The following FBXW8 variants were observed in gnomAD, a reference collection of about 807,000 sequenced individuals.
The protein encoded by FBXW8 is F-box/WD repeat-containing protein 8.
In FBXW8, 57 loss-of-function variants were observed where a neutral mutation model predicts 65.3. The ratio of observed to expected loss-of-function variants is 0.87; its 90% confidence interval spans 0.71 to 1.09. The LOEUF (loss-of-function observed/expected upper bound fraction) is 1.09, where lower values mean the gene tolerates loss of function less well. Among genes scored for constraint, FBXW8 ranks in the 50% least tolerant of loss-of-function variants. FBXW8 has a pLI of 0.00. For missense variants in FBXW8, 777 were observed against 814.8 expected, an observed-to-expected ratio of 0.95 and a Z score of 0.57; for synonymous variants, 308 against 330.2, an observed-to-expected ratio of 0.93 and a Z score of 0.73.
intron 5 of FBXW8, among the ~76,000 whole-genome samples, chr12:116,981,976 CTT>C (rs1344368184): frequency 1.3e-5 from 2 of 152,024 alleles, no homozygotes; most frequent in Non-Finnish European, 2.9e-5. Flanking sequence ...GTGATAAAGA[CTT>C]ATGTTAAAAT....
chr12:117,010,482 C>G (rs769415782), intron 8 of FBXW8, 32 bp downstream of exon 8: 2 of 1,613,938 alleles, frequency 1.2e-6, no homozygotes, highest in East Asian at 4.5e-5. Flanking sequence ...TGCCTTGCAG[C>G]CCCATGGCTT....
At chr12:117,011,126 C>CCTTTT (rs1953797273) in intron 8 of FBXW8, among the ~76,000 whole-genome samples, 1 of 100,344 alleles carries the variant, frequency 1.0e-5, no homozygotes, top group Admixed American at 8.3e-5. Flanking sequence ...TTTTTCTTTT[C>CCTTTT]CTTTTTTTTT....
intron 7 of FBXW8, among the ~76,000 whole-genome samples, chr12:116,994,201 T>C (rs1434913237): frequency 6.6e-6 from 1 of 152,170 alleles, no homozygotes; most frequent in Non-Finnish European, 1.5e-5. Context: ...TAGATACCAG[T>C]ACTGGTATAA....
At chr12:117,007,263 A>G (rs1953698356) in intron 7 of FBXW8, among the ~76,000 whole-genome samples, 1 of 139,272 alleles carries the variant, frequency 7.2e-6, no homozygotes, top group Non-Finnish European at 1.5e-5. Flanking sequence ...ATCTCTAAGA[A>G]AAAAAAAAAC....
At chr12:116,993,172 C>T (rs1392552905) in intron 7 of FBXW8, among the ~76,000 whole-genome samples, 20 of 127,330 alleles carry the variant, frequency 1.6e-4, no homozygotes, top group Non-Finnish European at 2.2e-4. Flanking sequence ...GGTGTGATCT[C>T]GGCTCACTGC....
At chr12:116,973,196 G>A (rs1481912534) in intron 5 of FBXW8, among the ~76,000 whole-genome samples, 8 of 152,100 alleles carry the variant, frequency 5.3e-5, no homozygotes, top group African/African-American at 1.4e-4. Context: ...TAAAAAGGGA[G>A]GAGAGAAAAG....
chr12:116,987,548 G>A (rs1490271189), intron 6 of FBXW8, among the ~76,000 whole-genome samples: 1 of 152,166 alleles, frequency 6.6e-6, no homozygotes, highest in Non-Finnish European at 1.5e-5. Flanking sequence ...TTACCCTCTG[G>A]TGGCCAAATG....
At chr12:117,007,263 A>T (rs1953698356) in intron 7 of FBXW8, among the ~76,000 whole-genome samples, 1 of 139,272 alleles carries the variant, frequency 7.2e-6, no homozygotes, top group Non-Finnish European at 1.5e-5. Context: ...ATCTCTAAGA[A>T]AAAAAAAAAC....
intron 10 of FBXW8, among the ~76,000 whole-genome samples, 174 bp from the exon 11 acceptor site, chr12:117,027,854 G>A (rs1174090728): frequency 6.6e-6 from 1 of 152,358 alleles, no homozygotes; most frequent in Non-Finnish European, 1.5e-5. Context: ...GCACCCCCAC[G>A]TTGACCGCTA....
At position 116,945,502 on chromosome 12, in the gene FBXW8, G is replaced by C. The variant is rs889541304; in HGVS notation, c.562G>C (p.Glu188Gln). ...CATCTTCCAAGAGTGCCGAGCCAAG[G>C]AACACATGTTACGAACCAACTGGAA... ...KLIFQECRAK[E>Q]HMLRTNWKNR... is the part of the protein sequence containing the mutation. Residue 188 changes from glutamate (E) to glutamine (Q), a missense_variant, in exon 3 of 11, where the codon GAA (glutamate) becomes CAA (glutamine). Coordinates refer to ENST00000652555, the MANE Select transcript of FBXW8 (RefSeq NM_153348.3). The C allele has an allele frequency of 6.2e-7, 1 of 1,614,058 alleles. No homozygotes were observed. Among genetic ancestry groups the C allele is most frequent in the Middle Eastern group, 1.7e-4 (1 of 6,038 alleles).
At chr12:116,964,352 T>C (rs918078327) in intron 4 of FBXW8, among the ~76,000 whole-genome samples, 17 of 152,364 alleles carry the variant, frequency 1.1e-4, no homozygotes, top group African/African-American at 3.8e-4. Context: ...GTGGGGCTTA[T>C]ACAAATTTCT....
chr12:116,955,653 T>C (rs924190238), intron 4 of FBXW8, among the ~76,000 whole-genome samples: 1 of 152,196 alleles, frequency 6.6e-6, no homozygotes, highest in Admixed American at 6.5e-5. Context: ...GTTTTGAAAA[T>C]TGTATGTTTA....
intron 8 of FBXW8, among the ~76,000 whole-genome samples, chr12:117,011,385 T>C (rs1401617552): frequency 1.3e-5 from 2 of 152,148 alleles, no homozygotes; most frequent in African/African-American, 4.8e-5. Flanking sequence ...CCTCCCAACC[T>C]TCACCCCTAG....
chr12:116,974,339 A>T lies in FBXW8; in HGVS notation c.835+9485A>T, dbSNP rs149096197. 3.1e-4 allele frequency among the ~76,000 whole-genome samples: 47 copies of T among 152,350 alleles called. 1 individual carries two copies. In the South Asian group the frequency reaches 3.5e-3, roughly 11 times the overall value. ...AGGCACAACAATTCCTGGAGCTCAC[A>T]TGAGGCTAAGAATAGTTTGCACTTC... On this transcript the variant is annotated intron_variant, in intron 5 of 10. Transcript: ENST00000652555.
intron 4 of FBXW8, chr12:116,950,907 C>T (rs1883232151): frequency 6.6e-6 from 1 of 152,202 alleles, no homozygotes; most frequent in Non-Finnish European, 1.5e-5. Flanking sequence ...TAGATCATTC[C>T]AGCTTAAAGG....
chr12:116,915,270 T>G (rs1880317002), intron 1 of FBXW8, among the ~76,000 whole-genome samples: 1 of 152,244 alleles, frequency 6.6e-6, no homozygotes, highest in Non-Finnish European at 1.5e-5. Flanking sequence ...TGTTTTTATG[T>G]GTTCTGGTCA....
At chr12:116,993,676 T>C (rs1303510434) in intron 7 of FBXW8, among the ~76,000 whole-genome samples, 1 of 152,242 alleles carries the variant, frequency 6.6e-6, no homozygotes, top group African/African-American at 2.4e-5. Flanking sequence ...TTGCAAATAT[T>C]TTCTCCCATT....
intron 6 of FBXW8, 80 bp from the exon 7 acceptor site, chr12:116,988,583 T>C (rs887715568): frequency 3.2e-6 from 4 of 1,262,262 alleles, no homozygotes; most frequent in South Asian, 1.2e-5. Flanking sequence ...GGTCTTCTCA[T>C]TGATGTGTAG....
At chr12:116,966,615 G>T (rs1884342864) in intron 5 of FBXW8, among the ~76,000 whole-genome samples, 1 of 152,216 alleles carries the variant, frequency 6.6e-6, no homozygotes, top group Non-Finnish European at 1.5e-5. Context: ...GTGATGTGCA[G>T]GGGTGCTGCT....
Sources: allele counts gnomAD v4.1 joint callset (sites outside exome capture counted in the v4.1 genomes callset), GRCh38; gene constraint gnomAD v4.1.1; transcripts MANE v1.5; gene names NCBI Gene and HGNC (gene_info 2026-07-23, HGNC 2026-07-21).